Variants in ENO4 observed in about 807,000 individuals in gnomAD.
ENO4 encodes the protein 2-phospho-D-glycerate hydro-lyase.
In ENO4, 53 loss-of-function variants were observed where a neutral mutation model predicts 63.2. The observed-to-expected ratio is 0.84, with a 90% confidence interval of 0.67 to 1.05. ENO4 has a LOEUF of 1.05. Among genes scored for constraint, ENO4 ranks in the 50% least tolerant of loss-of-function variants. The pLI, the probability that ENO4 is intolerant of heterozygous loss-of-function variation, is 0.00. For synonymous variants in ENO4, 266 were observed against 283.8 expected (o/e 0.94, Z 0.63); for missense variants, 719 against 772.0 (o/e 0.93, Z 0.81).
intron 11 of ENO4, among the ~76,000 whole-genome samples, chr10:116,877,263 G>C (rs1846864755): frequency 6.6e-6 from 1 of 152,094 alleles, no homozygotes; most frequent in Non-Finnish European, 1.5e-5. Flanking sequence ...TTCTAGATAA[G>C]GAGTCAACAC....
chr10:116,863,003 A>T, intron 7 of ENO4, 151 bp downstream of exon 7: 1 of 634,962 alleles, frequency 1.6e-6, no homozygotes, highest in Non-Finnish European at 2.8e-6. Flanking sequence ...AAGTGTATCC[A>T]TGTCCTCAGT....
chr10:116,886,782 C>G (rs1462782095), downstream of ENO4, among the ~76,000 whole-genome samples: 1 of 152,168 alleles, frequency 6.6e-6, no homozygotes, highest in Non-Finnish European at 1.5e-5. Context: ...AGAAAGAAGG[C>G]AGAGAAAGAG....
chr10:116,874,348 A>G, intron 10 of ENO4, 147 bp downstream of exon 10: 2 of 872,328 alleles, frequency 2.3e-6, no homozygotes, highest in Non-Finnish European at 3.2e-6. Flanking sequence ...TGTCATTCAA[A>G]ATGTGTTGTA....
chr10:116,906,069 A>C (rs896641025), intron 10 of ENO4, among the ~76,000 whole-genome samples: 9 of 152,254 alleles, frequency 5.9e-5, no homozygotes, highest in African/African-American at 1.9e-4. Flanking sequence ...ATTTTCCTGC[A>C]TTTGTAACTG....
intron 13 of ENO4, among the ~76,000 whole-genome samples, 193 bp from the exon 14 acceptor site, chr10:116,881,322 C>T (rs1241220493): frequency 6.6e-6 from 1 of 152,140 alleles, no homozygotes; most frequent in African/African-American, 2.4e-5. Flanking sequence ...CAAGTAAAAT[C>T]GAACAGAACA....
At chr10:116,859,980 CACT>C (rs1234018096) in intron 4 of ENO4, among the ~76,000 whole-genome samples, 1 of 152,114 alleles carries the variant, frequency 6.6e-6, no homozygotes, top group Non-Finnish European at 1.5e-5. Context: ...GTGGGATGGC[CACT>C]ACTGAGTTAT....
chr10:116,849,514 G>A lies in ENO4; in HGVS notation c.-53G>A. On this transcript the variant is annotated 5_prime_UTR_variant, in exon 1 of 14. Transcript: ENST00000341276. The stretch of plus-strand genomic sequence containing the variant: ...ACGTTGCGTTGCCTAGCGACAGCAG[G>A]GACGCTCGTGGGACCCCAGGCTAAA... 4.8e-6 allele frequency: 7 copies of A among 1,452,342 alleles called. No homozygotes were observed. The highest frequency in any genetic ancestry group is 6.4e-6 in the Non-Finnish European group (7 of 1,097,000). 90.0% of individuals were successfully genotyped at this position (1,452,342 alleles called of 1,614,324 possible).
chr10:116,869,122 A>G (rs1846623074), intron 8 of ENO4, among the ~76,000 whole-genome samples: 1 of 152,206 alleles, frequency 6.6e-6, no homozygotes, highest in South Asian at 2.1e-4. Context: ...TGGTCCCCCA[A>G]AGGCACTGAA....
chr10:116,850,509 TA>T (rs1846047078), intron 1 of ENO4, among the ~76,000 whole-genome samples: 1 of 151,706 alleles, frequency 6.6e-6, no homozygotes, highest in Non-Finnish European at 1.5e-5. Flanking sequence ...GATCTATAAG[TA>T]GTAAGGAAGG....
chr10:116,873,947 C>G, intron 9 of ENO4, 129 bp from the exon 10 acceptor site: 1 of 1,315,316 alleles, frequency 7.6e-7, no homozygotes, highest in East Asian at 2.6e-5. Flanking sequence ...CTCAGGTCAA[C>G]GTGCCCTGAA....
intron 7 of ENO4, among the ~76,000 whole-genome samples, chr10:116,863,969 T>C (rs1467167972): frequency 2.6e-5 from 4 of 152,216 alleles, no homozygotes; most frequent in Non-Finnish European, 5.9e-5. Flanking sequence ...GCCAATTCCA[T>C]AGTCTCTCTG....
At chr10:116,910,869 T>A (rs1848164044) in intron 10 of ENO4, among the ~76,000 whole-genome samples, 1 of 152,252 alleles carries the variant, frequency 6.6e-6, no homozygotes, top group South Asian at 2.1e-4. Context: ...TCAGTGCTAA[T>A]CCCACTCACT....
At chr10:116,901,465 T>A in intron 10 of ENO4, 1 of 985,154 alleles carries the variant, frequency 1.0e-6, no homozygotes, top group Non-Finnish European at 1.2e-6. Context: ...CTTGAAAGAC[T>A]GATTGTCTCC....
chr10:116,891,638 T>A (rs1345392635), intron 10 of ENO4, among the ~76,000 whole-genome samples: 1 of 152,242 alleles, frequency 6.6e-6, no homozygotes, highest in Non-Finnish European at 1.5e-5. Context: ...TTTATACAGT[T>A]ACTGCAGTGA....
At chr10:116,879,404 G>A (rs763294554) in intron 12 of ENO4, 46 bp downstream of exon 12, 55 of 1,403,298 alleles carry the variant, frequency 3.9e-5, no homozygotes, top group African/African-American at 1.4e-4. Flanking sequence ...CTTTTATCAC[G>A]AATTGGTATT....
chr10:116,911,178 G>A (rs1848176220), intron 10 of ENO4, among the ~76,000 whole-genome samples: 1 of 152,218 alleles, frequency 6.6e-6, no homozygotes, highest in Admixed American at 6.5e-5. Context: ...GGAGAGTGCA[G>A]TAGCCGCTGA....
rs1299910568 is a variant in ENO4 at position 116,881,573 on chromosome 10, G to A, written c.1782G>A (p.Glu594=). Residue 594 remains glutamate, a synonymous_variant, in exon 14 of 14, where the codon GAG becomes GAA. Coordinates refer to ENST00000341276, the MANE Select transcript of ENO4 (RefSeq NM_001242699.2). ...YFNEEAEKAA[E]ALEAAAAREP... is the part of the protein sequence containing the mutation. Reference sequence around the variant, plus strand: ...ATGAGGAAGCTGAAAAGGCTGCGGAGGCACTTGAGGCTGCTGCGGCTAGGG... The same window carrying A: ...ATGAGGAAGCTGAAAAGGCTGCGGAAGCACTTGAGGCTGCTGCGGCTAGGG... 6.5e-7 allele frequency: 1 copy of A among 1,550,312 alleles called. No homozygotes were observed. Among genetic ancestry groups the A allele is most frequent in the South Asian group, 1.2e-5 (1 of 84,008 alleles).
intron 10 of ENO4, among the ~76,000 whole-genome samples, chr10:116,895,237 C>CA (rs750516276): frequency 6.6e-6 from 1 of 152,028 alleles, no homozygotes; most frequent in Non-Finnish European, 1.5e-5. Context: ...TATTTGACTT[C>CA]TGGGAAAAAA....
chr10:116,850,204 C>CGAGCCAGTAGGA (rs1236794720), intron 1 of ENO4: 2 of 228,208 alleles, frequency 8.8e-6, no homozygotes, highest in African/African-American at 4.7e-5. Context: ...CCTCATCCTA[C>CGAGCCAGTAGGA]TGGCTCCTCT....
Sources: gnomAD v4.1 joint callset for allele counts (sites outside exome capture counted in the v4.1 genomes callset) on GRCh38, gnomAD v4.1.1 for gene constraint, MANE v1.5 for transcripts, NCBI Gene and HGNC (gene_info 2026-07-23, HGNC 2026-07-21) for gene names.